ROBO1: variants seen among roughly 807,000 people sequenced by gnomAD.
ROBO1 encodes roundabout guidance receptor 1.
In ROBO1, 149 loss-of-function variants were observed where a neutral mutation model predicts 195.9. The observed-to-expected ratio is 0.76, with a 90% CI of 0.67 to 0.87. The LOEUF (loss-of-function observed/expected upper bound fraction) is 0.87. ROBO1 is among the 40% of genes least tolerant of loss of function. The pLI, the probability that ROBO1 is intolerant of heterozygous loss-of-function variation, is 0.00. For synonymous variants in ROBO1, 816 were observed against 733.2 expected (o/e 1.11, Z -1.82); for missense variants, 1,933 against 2,068.3 (o/e 0.93, Z 1.27).
At chr3:78,650,782 C>T (rs1706597714) in intron 19 of ROBO1, among the ~76,000 whole-genome samples, 3 of 152,090 alleles carry the variant, frequency 2.0e-5, no homozygotes, top group Non-Finnish European at 4.4e-5. Context: ...GTATAATCTG[C>T]CATTTAAGTC....
intron 5 of ROBO1, among the ~76,000 whole-genome samples, chr3:78,730,837 T>G: frequency 6.6e-6 from 1 of 152,194 alleles, no homozygotes; most frequent in East Asian, 1.9e-4. Context: ...AAAATATTTC[T>G]ACATACATCC....
intron 9 of ROBO1, among the ~76,000 whole-genome samples, chr3:78,687,824 T>C (rs1332503939): frequency 6.6e-6 from 1 of 151,976 alleles, no homozygotes; most frequent in Non-Finnish European, 1.5e-5. Flanking sequence ...AGAGATGAGG[T>C]CTTACTATGT....
intron 4 of ROBO1, among the ~76,000 whole-genome samples, chr3:78,885,290 G>C (rs2036481398): frequency 6.6e-6 from 1 of 151,596 alleles, no homozygotes; most frequent in African/African-American, 2.4e-5. Flanking sequence ...AAGAGGATCA[G>C]GAAAAATAAC....
intron 2 of ROBO1, among the ~76,000 whole-genome samples, chr3:79,320,280 A>G (rs1559815346): frequency 1.3e-5 from 2 of 152,144 alleles, no homozygotes; most frequent in Admixed American, 6.5e-5. Context: ...TGCGAATCCC[A>G]TCCATGAGGA....
intron 2 of ROBO1, among the ~76,000 whole-genome samples, chr3:79,496,698 T>C (rs1472558692): frequency 2.0e-5 from 3 of 152,104 alleles, no homozygotes; most frequent in Non-Finnish European, 4.4e-5. Flanking sequence ...CACCCATCAT[T>C]TTTATACCTA....
intron 2 of ROBO1, among the ~76,000 whole-genome samples, chr3:79,360,916 G>A (rs772707239): frequency 7.9e-5 from 12 of 152,072 alleles, no homozygotes; most frequent in Non-Finnish European, 1.6e-4. Context: ...GAACACTGCA[G>A]GTGGCCATGC....
chr3:79,725,895 A>G (rs1317677090), intron 1 of ROBO1, among the ~76,000 whole-genome samples: 4 of 144,032 alleles, frequency 2.8e-5, no homozygotes, highest in African/African-American at 9.8e-5. Context: ...AAGCTTACAT[A>G]CAGACACTTA....
At chr3:79,708,560 C>G (rs1316840866) in intron 1 of ROBO1, among the ~76,000 whole-genome samples, 1 of 152,102 alleles carries the variant, frequency 6.6e-6, no homozygotes, top group Non-Finnish European at 1.5e-5. Flanking sequence ...AGGACAAGTA[C>G]TTTGTTCAAG....
rs960982154 is a variant in ROBO1, at chr3:78,622,134, G to A, written c.3876-4093C>T. Reference sequence around the variant, plus strand: ...TATATTATTTTCCCAGCTATTGTTTGAAAAAAAGAGAAGACAAATTCCTAT... The same window carrying A: ...TATATTATTTTCCCAGCTATTGTTTAAAAAAAAGAGAAGACAAATTCCTAT... On this transcript the variant is annotated intron_variant, in intron 26 of 30. Transcript: ENST00000464233. Among the ~76,000 whole-genome samples the A allele has an allele frequency of 2.0e-4, 31 of 151,874 alleles. 1 individual carries two copies. Among genetic ancestry groups the A allele is most frequent in the Admixed American group, 1.8e-3 (27 of 15,262 alleles).
At chr3:78,763,826 C>T (rs1037788433) in intron 4 of ROBO1, among the ~76,000 whole-genome samples, 3 of 152,186 alleles carry the variant, frequency 2.0e-5, no homozygotes, top group Admixed American at 1.3e-4. Context: ...CGATTTGCCA[C>T]CTCTTACCGT....
At chr3:79,302,728 TTATG>T (rs1320864137) in intron 2 of ROBO1, among the ~76,000 whole-genome samples, 4 of 152,182 alleles carry the variant, frequency 2.6e-5, no homozygotes, top group African/African-American at 7.2e-5. Flanking sequence ...CATTGTGTAA[TTATG>T]TATAATGGAA....
intron 3 of ROBO1, among the ~76,000 whole-genome samples, chr3:79,054,366 T>A (rs1204684570): frequency 6.6e-6 from 1 of 152,086 alleles, no homozygotes; most frequent in African/African-American, 2.4e-5. Flanking sequence ...TGTTGAAAAA[T>A]TTGTCTCTGA....
At chr3:79,619,716 TA>T (rs2107969556) in intron 1 of ROBO1, among the ~76,000 whole-genome samples, 1 of 152,214 alleles carries the variant, frequency 6.6e-6, no homozygotes, top group East Asian at 1.9e-4. Flanking sequence ...TCATCAAATA[TA>T]AAAACCCAGC....
At chr3:79,364,408 G>T (rs924614969) in intron 2 of ROBO1, among the ~76,000 whole-genome samples, 3 of 151,422 alleles carry the variant, frequency 2.0e-5, no homozygotes, top group Admixed American at 6.6e-5. Flanking sequence ...TTCATCATTT[G>T]AAATTAATCA....
At chr3:79,053,113 A>T (rs1040861331) in intron 3 of ROBO1, among the ~76,000 whole-genome samples, 21 of 151,960 alleles carry the variant, frequency 1.4e-4, no homozygotes, top group Non-Finnish European at 1.5e-5. Flanking sequence ...AAAGGAAATT[A>T]TGTTCCTGTC....
At chr3:79,459,929 G>T (rs2039749753) in intron 2 of ROBO1, among the ~76,000 whole-genome samples, 1 of 152,030 alleles carries the variant, frequency 6.6e-6, no homozygotes, top group South Asian at 2.1e-4. Flanking sequence ...ATAAATACCT[G>T]AAGTTGAATA....
rs1010232597 is a variant in ROBO1 at position 78,876,874 on chromosome 3, A to AT, written c.499+61726dup. On this transcript the variant is annotated intron_variant, in intron 4 of 30. Coordinates refer to ENST00000464233, the MANE Select transcript of ROBO1 (RefSeq NM_002941.4). The stretch of plus-strand genomic sequence containing the variant: ...AGGTGTATCTTTAAAATTCCACTAG[A>AT]TTTTTTTTTTTCTATTTGAACTATT... Among the ~76,000 whole-genome samples, 107 of 149,138 alleles carry AT rather than the reference A, an allele frequency of 7.2e-4. No individual in the cohort carries two copies. The South Asian group carries it at 8.1e-3, about 11-fold the overall frequency.
chr3:78,792,048 T>C (rs186630594), intron 4 of ROBO1, among the ~76,000 whole-genome samples: 1 of 152,298 alleles, frequency 6.6e-6, no homozygotes, highest in East Asian at 1.9e-4. Context: ...CAGGGGACCC[T>C]CATAGGGTTT....
At chr3:79,425,438 G>A (rs2038406223) in intron 2 of ROBO1, among the ~76,000 whole-genome samples, 1 of 152,052 alleles carries the variant, frequency 6.6e-6, no homozygotes, top group South Asian at 2.1e-4. Context: ...GCTATGATAG[G>A]TCAGGTTTCT....
Sources: allele counts gnomAD v4.1 joint callset (sites outside exome capture counted in the v4.1 genomes callset), GRCh38; gene constraint gnomAD v4.1.1; transcripts MANE v1.5; gene names NCBI Gene and HGNC (gene_info 2026-07-23, HGNC 2026-07-21).